UBR1: variants seen among roughly 807,000 people sequenced by gnomAD.
UBR1 encodes ubiquitin protein ligase E3 component n-recognin 1.
UBR1 carries 102 observed loss-of-function variants against 242.1 expected under a neutral mutation model. The ratio of observed to expected loss-of-function variants is 0.42; its 90% confidence interval spans 0.36 to 0.50. UBR1 has a LOEUF of 0.50. Ranked by LOEUF, UBR1 falls within the 20% of genes least tolerant of loss-of-function variation. The pLI, the probability that UBR1 is intolerant of heterozygous loss-of-function variation, is 0.01. For missense variants in UBR1, 1,772 were observed against 2,101.8 expected (o/e 0.84, Z 3.07); for synonymous variants, 675 against 684.8 (o/e 0.99, Z 0.22).
At chr15:43,048,188 A>G (rs1476150794) in intron 13 of UBR1, among the ~76,000 whole-genome samples, 2 of 142,366 alleles carry the variant, frequency 1.4e-5, no homozygotes, top group South Asian at 2.2e-4. Flanking sequence ...TCTGTCTTCG[A>G]AAAAAAAAAA....
rs192937247 is a variant in UBR1 at position 42,973,303 on chromosome 15, C to T, written c.4370-2696G>A. Among the ~76,000 whole-genome samples the T allele has an allele frequency of 9.0e-4, 137 of 152,154 alleles. 6 individuals carry two copies. The highest frequency in any genetic ancestry group is 1.5e-3 in the Admixed American group (23 of 15,284). Reference sequence around the variant, plus strand: ...ATGAGCTATTGCACCTGGCTCATTGCCCCGTTTTTTTGAGACCAAGTCTTG... The same window carrying T: ...ATGAGCTATTGCACCTGGCTCATTGTCCCGTTTTTTTGAGACCAAGTCTTG... On this transcript the variant is annotated intron_variant, in intron 39 of 46. Transcript: ENST00000290650.
rs2033860537 is a variant in UBR1, at chr15:43,074,355, T to G, written c.528+624A>C. Among the ~76,000 whole-genome samples the G allele has an allele frequency of 2.0e-5, 3 of 152,240 alleles. 1 individual carries two copies. In the South Asian group the frequency reaches 6.2e-4, roughly 32 times the overall value. On this transcript the variant is annotated intron_variant, in intron 4 of 46. Transcript: ENST00000290650. ...AATTACTGAATTTATATATCAGCTC[T>G]ACACTTCTAATTCACTATATGCTAC...
At chr15:42,985,854 T>G (rs2032450509) in intron 35 of UBR1, among the ~76,000 whole-genome samples, 1 of 151,704 alleles carries the variant, frequency 6.6e-6, no homozygotes, top group Non-Finnish European at 1.5e-5. Context: ...CTGGGCGTGG[T>G]GGCACATGCC....
intron 29 of UBR1, among the ~76,000 whole-genome samples, chr15:43,007,710 T>C (rs1417881872): frequency 6.6e-6 from 1 of 152,198 alleles, no homozygotes; most frequent in Non-Finnish European, 1.5e-5. Flanking sequence ...CTGCTTTCTA[T>C]TTATAATATA....
intron 27 of UBR1, among the ~76,000 whole-genome samples, chr15:43,017,936 T>G (rs1052110776): frequency 6.6e-6 from 1 of 151,988 alleles, no homozygotes; most frequent in African/African-American, 2.4e-5. Flanking sequence ...CCATACATAC[T>G]GTTTCACACA....
chr15:42,970,446 AATGTTAC>A (rs1470827746), intron 40 of UBR1, 67 bp downstream of exon 40: 13 of 1,448,982 alleles, frequency 9.0e-6, no homozygotes, highest in Non-Finnish European at 1.2e-5. Flanking sequence ...AAATGATTCA[AATGTTAC>A]GTTGCCAAAC....
At chr15:43,061,088 CAG>C (rs535958992) in intron 6 of UBR1, among the ~76,000 whole-genome samples, 132 of 152,192 alleles carry the variant, frequency 8.7e-4, no homozygotes, top group African/African-American at 2.3e-3. Flanking sequence ...TCTCAACAAA[CAG>C]GGGGAGGAAA....
chr15:43,030,529 G>GA (rs1233804846), intron 20 of UBR1, among the ~76,000 whole-genome samples: 6 of 152,124 alleles, frequency 3.9e-5, no homozygotes, highest in African/African-American at 1.4e-4. Context: ...AGTGAAAACT[G>GA]AAAAACACAA....
At chr15:43,014,080 C>T (rs1308711377) in intron 29 of UBR1, among the ~76,000 whole-genome samples, 3 of 152,386 alleles carry the variant, frequency 2.0e-5, no homozygotes, top group Non-Finnish European at 4.4e-5. Flanking sequence ...GACAGGGTTT[C>T]GCTGTGTTGG....
intron 12 of UBR1, 113 bp from the exon 13 acceptor site, chr15:43,048,604 A>C: frequency 1.2e-6 from 1 of 820,224 alleles, no homozygotes; most frequent in Non-Finnish European, 1.9e-6. Flanking sequence ...CTAATTTCTC[A>C]CAATAATTAG....
intron 12 of UBR1, among the ~76,000 whole-genome samples, chr15:43,049,554 C>T (rs1208479054): frequency 6.6e-6 from 1 of 151,840 alleles, no homozygotes; most frequent in African/African-American, 2.4e-5. Context: ...CAGCATGACA[C>T]ACAAAAAAAG....
intron 33 of UBR1, among the ~76,000 whole-genome samples, chr15:42,991,908 T>A (rs552896431): frequency 2.0e-5 from 3 of 152,142 alleles, no homozygotes; most frequent in South Asian, 2.1e-4. Context: ...AGAGCTAATT[T>A]TTATTATTAT....
chr15:42,998,131 T>C (rs2032668116), intron 33 of UBR1, 37 bp downstream of exon 33: 1 of 1,539,722 alleles, frequency 6.5e-7, no homozygotes, highest in Non-Finnish European at 9.0e-7. Context: ...TCTGACACCA[T>C]CTTCACATAG....
intron 44 of UBR1, among the ~76,000 whole-genome samples, chr15:42,956,242 T>C (rs949549168): frequency 6.6e-6 from 1 of 152,180 alleles, no homozygotes; most frequent in African/African-American, 2.4e-5. Context: ...AGGAGTGATA[T>C]CATAGAAAAT....
chr15:43,014,424 T>C (rs1193054392), intron 29 of UBR1, among the ~76,000 whole-genome samples: 6 of 150,358 alleles, frequency 4.0e-5, no homozygotes, highest in African/African-American at 7.4e-5. Context: ...CGCCATCCCA[T>C]CTAGGAAGTG....
At chr15:43,070,137 T>C (rs542708080) in intron 5 of UBR1, among the ~76,000 whole-genome samples, 1 of 150,068 alleles carries the variant, frequency 6.7e-6, no homozygotes, top group South Asian at 2.1e-4. Flanking sequence ...CTCACACAAC[T>C]CAAAGTTATC....
intron 1 of UBR1, among the ~76,000 whole-genome samples, chr15:43,090,083 G>C: frequency 6.6e-6 from 1 of 152,308 alleles, no homozygotes; most frequent in African/African-American, 2.4e-5. Flanking sequence ...GAAACAGAAA[G>C]AGGGAGGTAA....
chr15:43,006,106 G>A (rs866555717), intron 30 of UBR1, among the ~76,000 whole-genome samples: 709 of 110,506 alleles, frequency 6.4e-3, no homozygotes, highest in Middle Eastern at 0.026. Context: ...AAAAAAAAAA[G>A]AAAAAAAAAA....
intron 39 of UBR1, among the ~76,000 whole-genome samples, chr15:42,971,061 T>C (rs953107116): frequency 3.3e-5 from 5 of 152,236 alleles, no homozygotes; most frequent in African/African-American, 1.2e-4. Context: ...TTAAAGTTGT[T>C]AGGTAAACTT....
Sources: gnomAD v4.1 joint callset for allele counts (sites outside exome capture counted in the v4.1 genomes callset) on GRCh38, gnomAD v4.1.1 for gene constraint, MANE v1.5 for transcripts, NCBI Gene and HGNC (gene_info 2026-07-23, HGNC 2026-07-21) for gene names.